Variants in PBLD observed in about 807,000 individuals in gnomAD.
PBLD encodes the protein phenazine biosynthesis-like domain-containing protein.
In PBLD, 26 loss-of-function variants were observed where a neutral mutation model predicts 31.3. The ratio of observed to expected loss-of-function variants is 0.83; its 90% CI spans 0.61 to 1.15. PBLD has a LOEUF of 1.15. Among genes scored for constraint, PBLD ranks in the 50% most tolerant of loss-of-function variants. PBLD has a pLI of 0.00. For missense variants in PBLD, 307 were observed against 351.7 expected, an observed-to-expected ratio of 0.87 and a Z score of 1.02; for synonymous variants, 114 against 129.0, an observed-to-expected ratio of 0.88 and a Z score of 0.79.
At chr10:68,311,231 G>A (rs2044663181) in intron 1 of PBLD, among the ~76,000 whole-genome samples, 1 of 152,052 alleles carries the variant, frequency 6.6e-6, no homozygotes, top group Admixed American at 6.6e-5. Flanking sequence ...GGTGGATCAA[G>A]TCAGGAGTTC....
At chr10:68,299,817 C>T (rs2134456136) in intron 2 of PBLD, among the ~76,000 whole-genome samples, 1 of 152,222 alleles carries the variant, frequency 6.6e-6, no homozygotes, top group South Asian at 2.1e-4. Flanking sequence ...CATGCCATTG[C>T]ACTCCAGCCT....
Position 68,292,164 on chromosome 10 carries a change from C to T in PBLD, c.358G>A (p.Val120Ile), listed in dbSNP as rs779129965. ...LRARRAEDGI[V>I]LDLPLYPAHP... ...GCTGGATAAAGAGGCAAGTCCAGGA[C>T]GATGCCATCCTCTGCTCGTCTGGCC... Residue 120 changes from valine (V) to isoleucine (I), a missense_variant, in exon 5 of 10, where the codon GTC becomes ATC. Val to Ile is a conservative substitution (Grantham distance 29). Coordinates refer to ENST00000358769, the MANE Select transcript of PBLD (RefSeq NM_022129.4). 6 of 1,613,864 alleles carry T rather than the reference C, an allele frequency of 3.7e-6. No homozygotes were observed. The highest frequency in any genetic ancestry group is 2.2e-5 in the East Asian group (1 of 44,884).
chr10:68,314,976 G>C (rs376955522), intron 1 of PBLD, among the ~76,000 whole-genome samples: 1 of 151,980 alleles, frequency 6.6e-6, no homozygotes, highest in Non-Finnish European at 1.5e-5. Context: ...TTTTAGTTGA[G>C]ACGGGGTTTC....
rs1381323373 is a variant in PBLD, at chr10:68,292,046, G to A, written c.394-7C>T. ...CCTCTACTTCATGGAAGTCCTAGAT[G>A]GGGGGAAAAAAAACAAAATTATTAT... is the stretch of plus-strand genomic sequence containing the variant. On this transcript the variant is annotated splice_polypyrimidine_tract_variant and splice_region_variant and intron_variant, in intron 5 of 9. Coordinates refer to ENST00000358769, the MANE Select transcript of PBLD (RefSeq NM_022129.4). 1 of 1,585,790 alleles carries A rather than the reference G, an allele frequency of 6.3e-7. No individual in the cohort carries two copies. The highest frequency in any genetic ancestry group is 2.2e-5 in the East Asian group (1 of 44,566).
chr10:68,332,630 G>A (rs2045233592), intron 1 of PBLD, among the ~76,000 whole-genome samples, 154 bp downstream of exon 1: 1 of 152,158 alleles, frequency 6.6e-6, no homozygotes, highest in Non-Finnish European at 1.5e-5. Context: ...TCCCTGGAAG[G>A]GATGAGGGTG....
chr10:68,322,758 G>A (rs1226906057), intron 1 of PBLD, among the ~76,000 whole-genome samples: 1 of 151,530 alleles, frequency 6.6e-6, no homozygotes, highest in Non-Finnish European at 1.5e-5. Context: ...GTTTTGTTTT[G>A]TTTTTTGTTT....
intron 1 of PBLD, among the ~76,000 whole-genome samples, chr10:68,315,183 A>G (rs1417270295): frequency 1.3e-5 from 2 of 152,212 alleles, no homozygotes; most frequent in African/African-American, 4.8e-5. Context: ...CAACTGTTTA[A>G]TAGCACCATG....
chr10:68,290,445 C>G (rs1402959816), intron 6 of PBLD, among the ~76,000 whole-genome samples: 4 of 152,100 alleles, frequency 2.6e-5, no homozygotes, highest in Admixed American at 2.6e-4. Flanking sequence ...GGGGTGGGCG[C>G]GGTGGCTCAC....
intron 1 of PBLD, among the ~76,000 whole-genome samples, chr10:68,329,659 A>C (rs760741820): frequency 6.6e-6 from 1 of 152,160 alleles, no homozygotes; most frequent in Non-Finnish European, 1.5e-5. Context: ...CTTGGGACTC[A>C]CAGTGTCAGT....
intron 1 of PBLD, among the ~76,000 whole-genome samples, chr10:68,326,769 C>A (rs1190724793): frequency 6.6e-6 from 1 of 152,170 alleles, no homozygotes; most frequent in Non-Finnish European, 1.5e-5. Flanking sequence ...ACTGAGGTGG[C>A]CATGCACAGT....
Position 68,297,954 on chromosome 10 carries a change from T to G in PBLD, c.85-969A>C, listed in dbSNP as rs1323271122. Among the ~76,000 whole-genome samples, 3 of 58,362 alleles carry G rather than the reference T, an allele frequency of 5.1e-5. No homozygotes were observed. The East Asian group carries it at 2.0e-3, about 38-fold the overall frequency. The allele number at this position is 58,362 out of a possible 152,430, so 38.3% of individuals were successfully genotyped here. A position where few individuals can be genotyped will look rare whatever the true frequency, so the allele number is the denominator to read the frequency against. The stretch of plus-strand genomic sequence containing the variant: ...AGACTCTGTCTCTGTAAAAAAAGAT[T>G]TAAATAAAAAAAAAAAGAGTAAGGG... On this transcript the variant is annotated intron_variant, in intron 2 of 9. Transcript: ENST00000358769.
chr10:68,305,485 T>C (rs12569623), intron 2 of PBLD, among the ~76,000 whole-genome samples: 1 of 150,726 alleles, frequency 6.6e-6, no homozygotes, highest in East Asian at 2.0e-4. Flanking sequence ...CCGGGCGCGG[T>C]GCTCACGCCT....
At chr10:68,312,199 A>G (rs538470955) in intron 1 of PBLD, among the ~76,000 whole-genome samples, 5 of 152,340 alleles carry the variant, frequency 3.3e-5, no homozygotes, top group African/African-American at 1.2e-4. Context: ...TTTTACACCC[A>G]GTAGTGGAAT....
rs763827476 is a variant in PBLD at position 68,288,942 on chromosome 10, G to A, written c.501C>T (p.Asp167=). The part of the protein sequence containing the change: ...DTQKLLVRLS[D]VYNRSFLENL... ...GCCAAAAATCTTACCTGTTGTAAAC[G>A]TCACTGAGGCGGACGAGGAGCTTTT... The change falls in exon 7 of 10, where the codon GAC becomes GAT. Residue 167 remains aspartate, a synonymous_variant. Coordinates refer to ENST00000358769, the MANE Select transcript of PBLD (RefSeq NM_022129.4). 12 of 1,613,990 alleles carry A rather than the reference G, an allele frequency of 7.4e-6. No homozygotes were observed. The highest frequency in any genetic ancestry group is 1.6e-4 in the Middle Eastern group (1 of 6,084).
chr10:68,311,783 TAGAA>T (rs1265668317), intron 1 of PBLD, among the ~76,000 whole-genome samples: 1 of 148,484 alleles, frequency 6.7e-6, no homozygotes, highest in Admixed American at 6.7e-5. Flanking sequence ...GAATAACTGA[TAGAA>T]AGCACTAGGG....
At chr10:68,302,702 G>A (rs762060432) in intron 2 of PBLD, among the ~76,000 whole-genome samples, 17 of 152,162 alleles carry the variant, frequency 1.1e-4, no homozygotes, top group South Asian at 1.0e-3. Flanking sequence ...TTAGCTGAGC[G>A]TGGTGGTGCA....
chr10:68,289,663 T>TCACACACACACACACACACACACACA (rs1183126379), intron 6 of PBLD, among the ~76,000 whole-genome samples: 2 of 136,400 alleles, frequency 1.5e-5, no homozygotes, highest in Non-Finnish European at 3.2e-5. Flanking sequence ...AGGCCAAAGA[T>TCACACACACACACACACACACACACA]CACACACACA....
At chr10:68,309,472 A>C (rs2044631705) in intron 1 of PBLD, among the ~76,000 whole-genome samples, 1 of 149,478 alleles carries the variant, frequency 6.7e-6, no homozygotes, top group South Asian at 2.1e-4. Context: ...TTCCGCCTCA[A>C]AACGAGGCTA....
chr10:68,303,830 A>AT (rs1210428421), intron 2 of PBLD, among the ~76,000 whole-genome samples: 1 of 151,804 alleles, frequency 6.6e-6, no homozygotes, highest in Non-Finnish European at 1.5e-5. Flanking sequence ...TACAAAAAAA[A>AT]AAATCATCTG....
Sources: allele counts gnomAD v4.1 joint callset (sites outside exome capture counted in the v4.1 genomes callset), GRCh38; gene constraint gnomAD v4.1.1; transcripts MANE v1.5; gene names NCBI Gene and HGNC (gene_info 2026-07-23, HGNC 2026-07-21).